WWOX: variants seen among roughly 807,000 people sequenced by gnomAD.
WWOX encodes WW domain containing oxidoreductase.
Under a neutral mutation model 46.2 loss-of-function variants are expected in WWOX, and 69 were observed. That is an observed-to-expected ratio of 1.49 (90% confidence interval 1.23 to 1.82). The LOEUF (loss-of-function observed/expected upper bound fraction) is 1.82. Ranked by LOEUF, WWOX falls within the 40% of genes most tolerant of loss-of-function variation. The pLI, the probability that WWOX is intolerant of heterozygous loss-of-function variation, is 0.00. For synonymous variants in WWOX, 359 were observed against 202.6 expected (o/e 1.77, Z -6.56); for missense variants, 919 against 542.6 (o/e 1.69, Z -6.89).
intron 8 of WWOX, among the ~76,000 whole-genome samples, chr16:79,167,148 G>A (rs1157645262): frequency 6.6e-6 from 1 of 152,034 alleles, no homozygotes; most frequent in African/African-American, 2.4e-5. Context: ...TGCCATGTTG[G>A]CCAAGCTGAT....
At chr16:78,788,447 C>G (rs1423484402) in intron 8 of WWOX, among the ~76,000 whole-genome samples, 1 of 152,192 alleles carries the variant, frequency 6.6e-6, no homozygotes, top group Non-Finnish European at 1.5e-5. Flanking sequence ...CCCAGAGAGT[C>G]AGTCCTGCCT....
intron 8 of WWOX, among the ~76,000 whole-genome samples, chr16:78,812,790 A>T (rs1283902787): frequency 6.6e-6 from 1 of 152,122 alleles, no homozygotes; most frequent in East Asian, 1.9e-4. Flanking sequence ...ACTAATTTAC[A>T]AGCCCCATAA....
At chr16:79,199,017 C>G (rs981599169) in intron 8 of WWOX, among the ~76,000 whole-genome samples, 1 of 152,096 alleles carries the variant, frequency 6.6e-6, no homozygotes, top group Non-Finnish European at 1.5e-5. Flanking sequence ...GCTCTTTGAC[C>G]TAGGCAGAAA....
intron 8 of WWOX, among the ~76,000 whole-genome samples, chr16:79,163,361 C>T (rs1431759219): frequency 3.3e-5 from 5 of 152,120 alleles, no homozygotes; most frequent in African/African-American, 4.8e-5. Context: ...CATTAGTCTC[C>T]CTGAGCCTCA....
chr16:78,329,759 T>A (rs1373728467), intron 5 of WWOX, among the ~76,000 whole-genome samples: 1 of 151,866 alleles, frequency 6.6e-6, no homozygotes, highest in African/African-American at 2.4e-5. Context: ...TCTTTTTTTT[T>A]TTTTTGAGAC....
At chr16:78,960,473 G>C (rs1044671805) in intron 8 of WWOX, among the ~76,000 whole-genome samples, 1 of 152,146 alleles carries the variant, frequency 6.6e-6, no homozygotes, top group East Asian at 1.9e-4. Context: ...TCATTTATTT[G>C]CTTTAGCTTA....
chr16:78,809,651 C>T (rs144080358), intron 8 of WWOX, among the ~76,000 whole-genome samples: 2 of 152,268 alleles, frequency 1.3e-5, no homozygotes, highest in East Asian at 3.9e-4. Context: ...AGGGGCCCCC[C>T]ACCCCTGTTT....
At chr16:78,378,034 A>C (rs1259890790) in intron 5 of WWOX, among the ~76,000 whole-genome samples, 1 of 152,024 alleles carries the variant, frequency 6.6e-6, no homozygotes, top group Non-Finnish European at 1.5e-5. Context: ...CCTGGAGTGA[A>C]GGTTGATGCT....
intron 8 of WWOX, chr16:78,825,853 C>A (rs2051638866): frequency 1.6e-6 from 1 of 634,284 alleles, no homozygotes; most frequent in Non-Finnish European, 2.9e-6. Flanking sequence ...TGCCCTGGGA[C>A]CCCGCTGGTA....
chr16:78,165,194 G>A lies in WWOX; in HGVS notation c.516+905G>A, dbSNP rs1473707211. 3.9e-5 allele frequency among the ~76,000 whole-genome samples: 6 copies of A among 152,240 alleles called. No homozygotes were observed. The South Asian group carries it at 1.0e-3, about 26-fold the overall frequency. ...GAGGGTTTGAGCTAGAGAGTGATGC[G>A]AGCTGTTTGATTTTTGAAACATCGC... On this transcript the variant is annotated intron_variant, in intron 5 of 8. Transcript: ENST00000566780.
chr16:79,010,299 G>T (rs533344812), intron 8 of WWOX, among the ~76,000 whole-genome samples: 22 of 152,318 alleles, frequency 1.4e-4, no homozygotes, highest in Admixed American at 3.9e-4. Context: ...ACATTAGAGA[G>T]TGGCGTGTGC....
chr16:78,302,611 A>G (rs535164821), intron 5 of WWOX, among the ~76,000 whole-genome samples: 1 of 152,186 alleles, frequency 6.6e-6, no homozygotes, highest in African/African-American at 2.4e-5. Context: ...TAGACTTGAA[A>G]ATTGGAAGAG....
In WWOX at chr16:79,182,150, G is replaced by C. The variant is rs369823833; in HGVS notation, c.1057-29458G>C. ...AGCATTACTTCTCGGTGGCAAGGGA[G>C]GGACTCTTGTTCTTTCTGGTGGTTC... is the stretch of plus-strand genomic sequence containing the variant. On this transcript the variant is annotated intron_variant, in intron 8 of 8. Coordinates refer to ENST00000566780, the MANE Select transcript of WWOX (RefSeq NM_016373.4). Among the ~76,000 whole-genome samples the C allele has an allele frequency of 6.0e-4, 88 of 147,504 alleles. 2 individuals are homozygous for C. In the South Asian group the frequency reaches 0.016, roughly 27 times the overall value.
intron 8 of WWOX, among the ~76,000 whole-genome samples, chr16:78,884,684 C>T (rs2044416290): frequency 6.6e-6 from 1 of 152,160 alleles, no homozygotes; most frequent in African/African-American, 2.4e-5. Context: ...TGGATGGGAG[C>T]ATGAAGTGTC....
At chr16:78,928,975 G>A (rs1385982364) in intron 8 of WWOX, among the ~76,000 whole-genome samples, 1 of 152,138 alleles carries the variant, frequency 6.6e-6, no homozygotes, top group African/African-American at 2.4e-5. Flanking sequence ...ATGTATGCAT[G>A]CATATAAATG....
rs564594229 is a variant in WWOX, at chr16:78,248,906, C to G, written c.516+84617C>G. 9.0e-5 allele frequency among the ~76,000 whole-genome samples: 12 copies of G among 133,318 alleles called. No individual in the cohort carries two copies. In the South Asian group the frequency reaches 2.9e-3, roughly 32 times the overall value. The allele number at this position is 133,318 out of a possible 152,430, so 87.5% of individuals were successfully genotyped here. Reference sequence around the variant, plus strand: ...TTTTTGAGGCAGAGTCTTGCTCCATCACCAGGCTGGCACGATCTTGGCTCA... The same window carrying G: ...TTTTTGAGGCAGAGTCTTGCTCCATGACCAGGCTGGCACGATCTTGGCTCA... On this transcript the variant is annotated intron_variant, in intron 5 of 8. Coordinates refer to ENST00000566780, the MANE Select transcript of WWOX (RefSeq NM_016373.4).
chr16:78,999,809 C>G (rs1163546222), intron 8 of WWOX, among the ~76,000 whole-genome samples: 1 of 152,104 alleles, frequency 6.6e-6, no homozygotes, highest in Non-Finnish European at 1.5e-5. Flanking sequence ...GACTTCACCA[C>G]TACGCCATAT....
chr16:78,471,020 A>G (rs1225759436), intron 8 of WWOX, among the ~76,000 whole-genome samples: 1 of 152,238 alleles, frequency 6.6e-6, no homozygotes, highest in African/African-American at 2.4e-5. Flanking sequence ...TTTGCTTTCT[A>G]TAAAATGGTG....
intron 5 of WWOX, among the ~76,000 whole-genome samples, chr16:78,252,377 C>T (rs1381516838): frequency 6.6e-6 from 1 of 152,140 alleles, no homozygotes; most frequent in Admixed American, 6.6e-5. Context: ...TTAAAATTGA[C>T]AAGTTAGCTT....
Sources: allele counts gnomAD v4.1 joint callset (sites outside exome capture counted in the v4.1 genomes callset), GRCh38; gene constraint gnomAD v4.1.1; transcripts MANE v1.5; gene names NCBI Gene and HGNC (gene_info 2026-07-23, HGNC 2026-07-21).